STS: variants seen among roughly 807,000 people sequenced by gnomAD.
The protein encoded by STS is steryl-sulfatase.
STS carries 7 observed loss-of-function variants against 26.8 expected under a neutral mutation model. That is an observed-to-expected ratio of 0.26 (90% CI 0.15 to 0.49). The LOEUF (loss-of-function observed/expected upper bound fraction) is 0.49. STS is among the 20% of genes least tolerant of loss of function. STS has a pLI of 0.98. For synonymous variants in STS, 199 were observed against 189.4 expected (o/e 1.05, Z -0.42); for missense variants, 434 against 465.6 (o/e 0.93, Z 0.63).
intron 3 of STS, among the ~76,000 whole-genome samples, chrX:7,255,442 T>C (rs1400321425): frequency 6.3e-5 from 7 of 111,833 alleles, no homozygotes; most frequent in Non-Finnish European, 1.3e-4. Context: ...CTAAGATATA[T>C]TGAGATAGTA....
At chrX:7,170,658 T>A (rs1201654562) in intron 1 of STS, among the ~76,000 whole-genome samples, 10 of 110,353 alleles carry the variant, frequency 9.1e-5, no homozygotes, top group Non-Finnish European at 1.7e-4. Flanking sequence ...AAAATTTTTT[T>A]AATTTTTTGT....
chrX:7,243,029 G>T (rs1201340488), intron 2 of STS, among the ~76,000 whole-genome samples: 1 of 112,508 alleles, frequency 8.9e-6, no homozygotes, highest in Non-Finnish European at 1.9e-5. Context: ...CTCCTAACAA[G>T]TTACATTTGT....
chrX:7,299,464 T>C (rs1490165922), intron 7 of STS, among the ~76,000 whole-genome samples: 1 of 104,280 alleles, frequency 9.6e-6, no homozygotes, highest in African/African-American at 3.4e-5. Flanking sequence ...ATATAAAACA[T>C]ATATACATAT....
At chrX:7,201,525 G>A (rs1235199766) in intron 2 of STS, among the ~76,000 whole-genome samples, 1 of 110,131 alleles carries the variant, frequency 9.1e-6, no homozygotes, top group Non-Finnish European at 1.9e-5. Context: ...TATAGAGAAG[G>A]GTCAGCAGGC....
At chrX:7,231,898 C>T (rs930426277) in intron 2 of STS, among the ~76,000 whole-genome samples, 1 of 108,134 alleles carries the variant, frequency 9.2e-6, no homozygotes, top group Non-Finnish European at 1.9e-5. Flanking sequence ...CCTGCACCAC[C>T]GACCGCAGAT....
chrX:7,169,149 C>T (rs534653929), intron 1 of STS, among the ~76,000 whole-genome samples: 5 of 110,684 alleles, frequency 4.5e-5, no homozygotes, highest in Admixed American at 9.6e-5. Context: ...CTCCCATACC[C>T]CCACCCCTGG....
chrX:7,184,177 T>G (rs2147009297), intron 1 of STS, among the ~76,000 whole-genome samples: 1 of 111,960 alleles, frequency 8.9e-6, no homozygotes, highest in Admixed American at 9.5e-5. Flanking sequence ...AGAAGAAAAT[T>G]CTGCAGTTGA....
intron 2 of STS, among the ~76,000 whole-genome samples, chrX:7,191,629 TCCCTGCAGGAAGAGCTCTTCC>T (rs1168668699): frequency 7.2e-5 from 8 of 110,858 alleles, no homozygotes; most frequent in Non-Finnish European, 1.3e-4. Flanking sequence ...TCCAGGTCCC[TCCCTGCAGGAAGAGCTCTTCC>T]CCCTGGTGGA....
intron 3 of STS, among the ~76,000 whole-genome samples, chrX:7,256,235 A>G (rs1336010203): frequency 1.8e-5 from 2 of 111,920 alleles, no homozygotes; most frequent in African/African-American, 6.5e-5. Flanking sequence ...AAAAGATATT[A>G]ATTCCTAAAT....
At chrX:7,313,711 C>T (rs1926583476) in intron 8 of STS, among the ~76,000 whole-genome samples, 1 of 111,973 alleles carries the variant, frequency 8.9e-6, no homozygotes, top group Non-Finnish European at 1.9e-5. Flanking sequence ...ACAGGGCTAG[C>T]TGATAGGGTA....
chrX:7,239,010 A>G (rs1371483829), intron 2 of STS, among the ~76,000 whole-genome samples: 4 of 111,458 alleles, frequency 3.6e-5, no homozygotes, highest in East Asian at 2.8e-4. Flanking sequence ...TTAGTATTTT[A>G]TTAATACTCA....
At chrX:7,206,002 A>T (rs771971740) in intron 2 of STS, among the ~76,000 whole-genome samples, 1 of 110,889 alleles carries the variant, frequency 9.0e-6, no homozygotes, top group East Asian at 2.9e-4. Context: ...ATTTGATTGT[A>T]TGTAACCCAT....
rs1488890635 is a variant in STS, at chrX:7,253,480, T to C, written c.137+144T>C. 2.7e-5 allele frequency: 22 copies of C among 828,574 alleles called. No homozygotes were observed. The South Asian group carries it at 4.8e-4, about 18-fold the overall frequency. 68.3% of individuals were successfully genotyped at this position (828,574 alleles called of 1,213,427 possible). A position where few individuals can be genotyped will look rare whatever the true frequency, so the allele number is the denominator to read the frequency against. On this transcript the variant is annotated intron_variant, in intron 3 of 10. Coordinates refer to ENST00000674429, the MANE Select transcript of STS (RefSeq NM_001320752.2). ...CATGCCTGGCTTCATGTAGATACAC[T>C]GAGATGTAGGTGTCATGAAGGCAGG...
Position 7,176,916 on chromosome X carries a change from A to C in STS, c.-133-13964A>C, listed in dbSNP as rs779684766. Among the ~76,000 whole-genome samples, 3 of 111,730 alleles carry C rather than the reference A, an allele frequency of 2.7e-5. No individual in the cohort carries two copies. The East Asian group carries it at 8.4e-4, about 31-fold the overall frequency. On this transcript the variant is annotated intron_variant, in intron 1 of 10. Transcript: ENST00000674429. ...AGTCTGAAGACTAGTGGCTTAGATTATTGTATTTGGCTTGGCACTGGTGTC... is the reference window on the plus strand; with the variant it reads ...AGTCTGAAGACTAGTGGCTTAGATTCTTGTATTTGGCTTGGCACTGGTGTC...
intron 1 of STS, among the ~76,000 whole-genome samples, chrX:7,178,960 C>A (rs757896010): frequency 9.5e-6 from 1 of 105,334 alleles, no homozygotes; most frequent in Non-Finnish European, 1.9e-5. Flanking sequence ...ATAATGGGCT[C>A]TCTCTGTCCT....
At chrX:7,168,003 C>G (rs1204921588) in intron 1 of STS, among the ~76,000 whole-genome samples, 8 of 111,613 alleles carry the variant, frequency 7.2e-5, no homozygotes, top group Admixed American at 4.8e-4. Flanking sequence ...CCTCATCTGC[C>G]TTTTGATTAG....
At chrX:7,313,443 G>A (rs1926573322) in intron 8 of STS, among the ~76,000 whole-genome samples, 1 of 112,014 alleles carries the variant, frequency 8.9e-6, no homozygotes, top group Non-Finnish European at 1.9e-5. Flanking sequence ...TTTATTGTGA[G>A]AGAAAAATAG....
At chrX:7,279,317 G>GTGTGTGTGTGTGTGTGTGTGTA (rs1408012822) in intron 7 of STS, among the ~76,000 whole-genome samples, 2 of 40,108 alleles carry the variant, frequency 5.0e-5, no homozygotes, top group East Asian at 1.8e-3. Flanking sequence ...ATATATGTGT[G>GTGTGTGTGTGTGTGTGTGTGTA]TGTGTGTGTG....
At chrX:7,280,559 G>A (rs1355428786) in intron 7 of STS, among the ~76,000 whole-genome samples, 2 of 112,064 alleles carry the variant, frequency 1.8e-5, no homozygotes, top group South Asian at 3.7e-4. Context: ...TTTTGGAGGC[G>A]TGTCATTCTG....
Sources: allele counts gnomAD v4.1 joint callset (sites outside exome capture counted in the v4.1 genomes callset), GRCh38; gene constraint gnomAD v4.1.1; transcripts MANE v1.5; gene names NCBI Gene and HGNC (gene_info 2026-07-23, HGNC 2026-07-21).